Variants in AGPAT2 observed in about 807,000 individuals in gnomAD.
The protein encoded by AGPAT2 is 1-acyl-sn-glycerol-3-phosphate acyltransferase beta.
In AGPAT2, 18 loss-of-function variants were observed where a neutral mutation model predicts 26.1. The ratio of observed to expected loss-of-function variants is 0.69; its 90% confidence interval spans 0.48 to 1.02. The LOEUF (loss-of-function observed/expected upper bound fraction) is 1.02, where lower values mean the gene tolerates loss of function less well. AGPAT2 is among the 50% of genes least tolerant of loss of function. The probability of loss-of-function intolerance (pLI) is 0.00; values close to 1 mark genes in which losing one functional copy is unlikely to be tolerated. For synonymous variants in AGPAT2, 200 were observed against 174.2 expected, an observed-to-expected ratio of 1.15 and a Z score of -1.16; for missense variants, 415 against 394.9, an observed-to-expected ratio of 1.05 and a Z score of -0.43.
rs2119184782 is a variant in AGPAT2 at position 136,676,971 on chromosome 9, A to C, written c.482T>G (p.Val161Gly). ...TVMADLGERM[V>G]RENLKVWIYP... is the part of the protein sequence containing the mutation. ...GCCCTGCACACTCACGTTCTCCCTGACCATGCGCTCGCCCAGGTCGGCCAT... is the reference window on the plus strand; with the variant it reads ...GCCCTGCACACTCACGTTCTCCCTGCCCATGCGCTCGCCCAGGTCGGCCAT... The change falls in exon 3 of 6, where the codon GTC (valine) becomes GGC (glycine). Residue 161 changes from valine (V) to glycine (G), a missense_variant. Coordinates refer to ENST00000371696, the MANE Select transcript of AGPAT2 (RefSeq NM_006412.4). 2.6e-6 allele frequency: 4 copies of C among 1,512,796 alleles called. 1 individual carries two copies. In the South Asian group the frequency reaches 4.5e-5, roughly 17 times the overall value. 93.7% of individuals were successfully genotyped at this position (1,512,796 alleles called of 1,614,324 possible).
intron 1 of AGPAT2, among the ~76,000 whole-genome samples, 197 bp from the exon 2 acceptor site, chr9:136,677,753 C>T (rs558978934): frequency 6.6e-6 from 1 of 152,288 alleles, no homozygotes; most frequent in Admixed American, 6.5e-5. Context: ...GGACGGCTGC[C>T]CTGCCTCCGT....
At chr9:136,686,394 C>G (rs963660812) in intron 1 of AGPAT2, among the ~76,000 whole-genome samples, 1 of 152,246 alleles carries the variant, frequency 6.6e-6, no homozygotes, top group African/African-American at 2.4e-5. Context: ...CAGCAGCCAC[C>G]CCGCCCAGGA....
At chr9:136,683,884 G>A (rs1191543411) in intron 1 of AGPAT2, among the ~76,000 whole-genome samples, 2 of 152,220 alleles carry the variant, frequency 1.3e-5, no homozygotes, top group South Asian at 2.1e-4. Flanking sequence ...GAGGACCCGG[G>A]ACCATGCACT....
chr9:136,686,493 G>C (rs559641734), intron 1 of AGPAT2, among the ~76,000 whole-genome samples: 17 of 152,254 alleles, frequency 1.1e-4, no homozygotes, highest in Admixed American at 1.1e-3. Flanking sequence ...CCTTCTGGAA[G>C]GCGTCCAGGG....
intron 4 of AGPAT2, among the ~76,000 whole-genome samples, chr9:136,675,927 G>T (rs1846084764): frequency 6.6e-6 from 1 of 152,178 alleles, no homozygotes; most frequent in Non-Finnish European, 1.5e-5. Flanking sequence ...GCCAGTGTGA[G>T]GGAAGGAGCT....
intron 1 of AGPAT2, among the ~76,000 whole-genome samples, chr9:136,680,147 G>A (rs1846141288): frequency 6.6e-6 from 1 of 152,256 alleles, no homozygotes; most frequent in Admixed American, 6.5e-5. Context: ...TCCAAAGCTA[G>A]CTGCCTGCAG....
At chr9:136,679,379 G>C (rs1239686460) in intron 1 of AGPAT2, among the ~76,000 whole-genome samples, 6 of 152,202 alleles carry the variant, frequency 3.9e-5, no homozygotes, top group Non-Finnish European at 5.9e-5. Context: ...TAATTCTGGT[G>C]ATGAGTCCAG....
chr9:136,687,102 A>G, intron 1 of AGPAT2, 74 bp downstream of exon 1: 2 of 1,461,264 alleles, frequency 1.4e-6, no homozygotes, highest in Non-Finnish European at 1.8e-6. Flanking sequence ...GAAGGAGGGA[A>G]GCCCAGAAGA....
In AGPAT2 at chr9:136,673,551, C is replaced by G. The variant is rs567964604; in HGVS notation, c.*201G>C. 4.8e-5 allele frequency: 24 copies of G among 502,644 alleles called. No individual in the cohort carries two copies. The East Asian group carries it at 5.3e-4, about 11-fold the overall frequency. The allele number at this position is 502,644 out of a possible 1,614,324, so 31.1% of individuals were successfully genotyped here. A position where few individuals can be genotyped will look rare whatever the true frequency, so the allele number is the denominator to read the frequency against. ...CCCTGCCCTCGAGCCCGGGGAGGGT[C>G]CAGCTGAGCCCCCTGCAGGGGACAC... On this transcript the variant is annotated 3_prime_UTR_variant, in exon 6 of 6. Transcript: ENST00000371696.
chr9:136,681,568 A>G (rs1272725031), intron 1 of AGPAT2, among the ~76,000 whole-genome samples: 2 of 152,182 alleles, frequency 1.3e-5, no homozygotes, highest in East Asian at 3.9e-4. Context: ...TTGGGAGGCC[A>G]AGGCGGGCAG....
At chr9:136,674,689 A>G (rs759607501) in intron 5 of AGPAT2, 46 bp downstream of exon 5, 3 of 1,325,782 alleles carry the variant, frequency 2.3e-6, no homozygotes, top group Non-Finnish European at 3.0e-6. Flanking sequence ...CCGTGACTGT[A>G]GGGTCAGGCG....
chr9:136,684,588 A>G (rs1024442610), intron 1 of AGPAT2, among the ~76,000 whole-genome samples: 3 of 152,050 alleles, frequency 2.0e-5, no homozygotes, highest in Admixed American at 6.5e-5. Context: ...CAGGGCAGCC[A>G]TTGCTCAGGG....
At chr9:136,674,261 G>T (rs1216194523) in intron 5 of AGPAT2, among the ~76,000 whole-genome samples, 1 of 152,240 alleles carries the variant, frequency 6.6e-6, no homozygotes, top group Non-Finnish European at 1.5e-5. Context: ...GGGAGAGATG[G>T]AGCTGGGTTC....
intron 1 of AGPAT2, among the ~76,000 whole-genome samples, chr9:136,680,714 G>T (rs1378064749): frequency 6.6e-6 from 1 of 151,608 alleles, no homozygotes; most frequent in African/African-American, 2.4e-5. Context: ...CTGTCACCTA[G>T]GCTGGAGTGC....
In AGPAT2 at chr9:136,677,060, G is replaced by A; in HGVS notation, c.393C>T (p.Leu131=). 1 of 1,613,170 alleles carries A rather than the reference G, an allele frequency of 6.2e-7. No homozygotes were observed. Among genetic ancestry groups the A allele is most frequent in the East Asian group, 2.2e-5 (1 of 44,870 alleles). Reference sequence around the variant, plus strand: ...AGAAGACGCCCCCGAGGTACATGATGAGGCCCACGGGCCCCAGGAAGAGCA... The same window carrying A: ...AGAAGACGCCCCCGAGGTACATGATAAGGCCCACGGGCCCCAGGAAGAGCA... ...RELLFLGPVG[L]IMYLGGVFFI... The change falls in exon 3 of 6, where the codon CTC becomes CTT. Residue 131 remains leucine (L), a synonymous_variant. Transcript: ENST00000371696.
intron 3 of AGPAT2, 47 bp downstream of exon 3, chr9:136,676,914 G>A (rs768153845): frequency 1.0e-5 from 6 of 578,952 alleles, no homozygotes; most frequent in East Asian, 4.9e-5. Flanking sequence ...GCCTGGCCCC[G>A]CCCAGGCCCC....
intron 1 of AGPAT2, among the ~76,000 whole-genome samples, chr9:136,679,677 G>A (rs1007595348): frequency 6.6e-5 from 10 of 152,216 alleles, no homozygotes; most frequent in Non-Finnish European, 1.0e-4. Context: ...CTAGCAAGAC[G>A]GCCGTGTCGC....
chr9:136,685,450 C>G (rs1344625390), intron 1 of AGPAT2, among the ~76,000 whole-genome samples: 1 of 152,212 alleles, frequency 6.6e-6, no homozygotes, highest in Non-Finnish European at 1.5e-5. Context: ...CTAGGAAGTC[C>G]AGGCAGAGGC....
chr9:136,674,942 T>G (rs1846071270), intron 4 of AGPAT2, 135 bp from the exon 5 acceptor site: 2 of 526,846 alleles, frequency 3.8e-6, no homozygotes, highest in African/African-American at 2.0e-5. Flanking sequence ...TCCTTGTGGC[T>G]GTCCTGCCCC....
Sources: gnomAD v4.1 joint callset for allele counts (sites outside exome capture counted in the v4.1 genomes callset) on GRCh38, gnomAD v4.1.1 for gene constraint, MANE v1.5 for transcripts, NCBI Gene and HGNC (gene_info 2026-07-23, HGNC 2026-07-21) for gene names.